Variants in CREB5 observed in about 807,000 individuals in gnomAD.
CREB5 encodes cAMP responsive element binding protein 5.
CREB5 carries 19 observed loss-of-function variants against 57.1 expected under a neutral mutation model. That is an observed-to-expected ratio of 0.33 (90% confidence interval 0.23 to 0.49). CREB5 has a LOEUF of 0.49. CREB5 is among the 20% of genes least tolerant of loss of function. The pLI, the probability that CREB5 is intolerant of heterozygous loss-of-function variation, is 0.99. For missense variants in CREB5, 579 were observed against 671.6 expected (o/e 0.86, Z 1.52); for synonymous variants, 238 against 238.3 (o/e 1.00, Z 0.01).
At chr7:28,348,373 CTCTCTCTCTG>C (rs1786112026) in intron 1 of CREB5, among the ~76,000 whole-genome samples, 1 of 114,938 alleles carries the variant, frequency 8.7e-6, no homozygotes, top group South Asian at 3.3e-4. Context: ...CCTGCTTTCT[CTCTCTCTCTG>C]TCTCTCTCTC....
chr7:28,799,179 T>C (rs1562648951), intron 7 of CREB5, among the ~76,000 whole-genome samples: 1 of 152,210 alleles, frequency 6.6e-6, no homozygotes, highest in Non-Finnish European at 1.5e-5. Flanking sequence ...ATCACTTATC[T>C]TCACTGCATT....
At chr7:28,413,092 ATGTGTGTGTG>A (rs10599936) in intron 1 of CREB5, among the ~76,000 whole-genome samples, 175 bp downstream of exon 1, 2 of 147,214 alleles carry the variant, frequency 1.4e-5, no homozygotes, top group Admixed American at 6.8e-5. Flanking sequence ...ATGTGGAAGG[ATGTGTGTGTG>A]TGTGTGTGTG....
intron 1 of CREB5, among the ~76,000 whole-genome samples, chr7:28,380,999 A>G (rs182121759): frequency 6.6e-6 from 1 of 152,332 alleles, no homozygotes; most frequent in African/African-American, 2.4e-5. Context: ...AGGGATTAGT[A>G]TAAAACTAGG....
At chr7:28,735,309 A>G (rs1279971964) in intron 7 of CREB5, among the ~76,000 whole-genome samples, 1 of 152,190 alleles carries the variant, frequency 6.6e-6, no homozygotes, top group Admixed American at 6.5e-5. Flanking sequence ...TTATCTAACC[A>G]AGACTTTGAT....
intron 5 of CREB5, among the ~76,000 whole-genome samples, chr7:28,601,547 C>A (rs1008684900): frequency 2.0e-5 from 3 of 152,106 alleles, no homozygotes; most frequent in Non-Finnish European, 4.4e-5. Flanking sequence ...ATAATAGAGG[C>A]AATTTCAAAA....
chr7:28,702,705 T>C (rs1251209929), intron 5 of CREB5, among the ~76,000 whole-genome samples: 5 of 152,154 alleles, frequency 3.3e-5, no homozygotes, highest in Non-Finnish European at 7.4e-5. Flanking sequence ...AAAATAACCA[T>C]ACCTATTAAT....
intron 5 of CREB5, among the ~76,000 whole-genome samples, chr7:28,648,620 T>C (rs1798999799): frequency 6.6e-6 from 1 of 152,036 alleles, no homozygotes; most frequent in South Asian, 2.1e-4. Flanking sequence ...TGCATGCCCG[T>C]AGTCTCAGCT....
intron 7 of CREB5, among the ~76,000 whole-genome samples, chr7:28,740,198 G>T (rs977485571): frequency 6.6e-6 from 1 of 152,164 alleles, no homozygotes; most frequent in African/African-American, 2.4e-5. Flanking sequence ...GAACTATGGG[G>T]TAGCTAACTT....
chr7:28,796,630 T>C (rs1248159780), intron 7 of CREB5, among the ~76,000 whole-genome samples: 1 of 152,190 alleles, frequency 6.6e-6, no homozygotes, highest in South Asian at 2.1e-4. Flanking sequence ...TCACTCTAAG[T>C]CTTCTGTTGT....
At position 28,562,511 on chromosome 7, in the gene CREB5, G is replaced by A. The variant is rs375788477; in HGVS notation, c.292-7854G>A. 9.2e-5 allele frequency among the ~76,000 whole-genome samples: 14 copies of A among 152,334 alleles called. No individual in the cohort carries two copies. In the East Asian group the frequency reaches 2.7e-3, roughly 29 times the overall value. ...CCTGGGCAGATCTTGCTGCTCAGGA[G>A]CTGACAGCCTCAAGTCTAGAACCTC... On this transcript the variant is annotated intron_variant, in intron 4 of 10. Coordinates refer to ENST00000357727, the MANE Select transcript of CREB5 (RefSeq NM_182898.4).
At position 28,683,661 on chromosome 7, in the gene CREB5, T is replaced by G. The variant is rs1583540406; in HGVS notation, c.465-35092T>G. Among the ~76,000 whole-genome samples the G allele has an allele frequency of 7.9e-5, 12 of 152,320 alleles. No homozygotes were observed. The South Asian group carries it at 2.5e-3, about 32-fold the overall frequency. Reference sequence around the variant, plus strand: ...TTACTCCTCCTGGCAGAAGCAATGATGCTGGCGGGTCTCATCTGAGATCCG... The same window carrying G: ...TTACTCCTCCTGGCAGAAGCAATGAGGCTGGCGGGTCTCATCTGAGATCCG... On this transcript the variant is annotated intron_variant, in intron 5 of 10. Transcript: ENST00000357727.
At chr7:28,483,461 T>G (rs1326553730) in intron 1 of CREB5, among the ~76,000 whole-genome samples, 1 of 152,214 alleles carries the variant, frequency 6.6e-6, no homozygotes, top group Non-Finnish European at 1.5e-5. Context: ...TATCAGAGTT[T>G]TTTTGTTATC....
At chr7:28,736,355 G>T (rs1377849990) in intron 7 of CREB5, among the ~76,000 whole-genome samples, 1 of 151,998 alleles carries the variant, frequency 6.6e-6, no homozygotes, top group Non-Finnish European at 1.5e-5. Context: ...TTTTAGTAAA[G>T]ACGGGGTTTC....
chr7:28,622,476 A>G (rs927631522), intron 5 of CREB5, among the ~76,000 whole-genome samples: 2 of 152,234 alleles, frequency 1.3e-5, no homozygotes, highest in African/African-American at 2.4e-5. Flanking sequence ...AGAAAGAACA[A>G]AAAGAAAATT....
chr7:28,541,865 G>A (rs960397914), intron 4 of CREB5, among the ~76,000 whole-genome samples: 1 of 152,126 alleles, frequency 6.6e-6, no homozygotes, highest in African/African-American at 2.4e-5. Flanking sequence ...TGGTTGAAAA[G>A]GTCATTGTTG....
chr7:28,389,664 TA>T (rs1787176883), intron 1 of CREB5, among the ~76,000 whole-genome samples: 5 of 151,542 alleles, frequency 3.3e-5, no homozygotes, highest in Admixed American at 3.3e-4. Context: ...GTTCATAAAC[TA>T]CAGTTTCTGC....
intron 7 of CREB5, among the ~76,000 whole-genome samples, chr7:28,778,101 A>T (rs1806764362): frequency 1.3e-5 from 2 of 152,230 alleles, no homozygotes; most frequent in African/African-American, 4.8e-5. Context: ...GGGAAAGATG[A>T]CACAGGCATA....
chr7:28,629,156 T>C (rs1438361243), intron 5 of CREB5, among the ~76,000 whole-genome samples: 2 of 152,188 alleles, frequency 1.3e-5, no homozygotes, highest in African/African-American at 2.4e-5. Context: ...AATAAAACAA[T>C]ACGTGCGAAA....
intron 9 of CREB5, among the ~76,000 whole-genome samples, chr7:28,817,058 T>C (rs1311966805): frequency 6.6e-6 from 1 of 152,228 alleles, no homozygotes; most frequent in Non-Finnish European, 1.5e-5. Context: ...TGAATTAATA[T>C]TAACAGATAA....
Sources: allele counts gnomAD v4.1 joint callset (sites outside exome capture counted in the v4.1 genomes callset), GRCh38; gene constraint gnomAD v4.1.1; transcripts MANE v1.5; gene names NCBI Gene and HGNC (gene_info 2026-07-23, HGNC 2026-07-21).